The following CHODL variants were observed in gnomAD, a reference collection of about 807,000 sequenced individuals.
CHODL encodes transmembrane protein MT75.
In CHODL, 29 loss-of-function variants were observed where a neutral mutation model predicts 34.5. The ratio of observed to expected loss-of-function variants is 0.84; its 90% confidence interval spans 0.63 to 1.15. CHODL has a LOEUF of 1.15. CHODL is among the 50% of genes most tolerant of loss of function. CHODL has a pLI of 0.00. For synonymous variants in CHODL, 125 were observed against 116.1 expected, an observed-to-expected ratio of 1.08 and a Z score of -0.49; for missense variants, 332 against 332.5, an observed-to-expected ratio of 1.00 and a Z score of 0.01.
At position 18,195,898 on chromosome 21, in the gene CHODL, A is replaced by G. The variant is rs187037539; in HGVS notation, c.-44-60611A>G. Among the ~76,000 whole-genome samples the G allele has an allele frequency of 3.5e-4, 54 of 152,300 alleles. No individual in the cohort carries two copies. The East Asian group carries it at 9.8e-3, about 28-fold the overall frequency. On this transcript the variant is annotated intron_variant, in intron 2 of 6. Transcript: ENST00000400127. ...CTAATGAAAATACAGATTGTTAGTG[A>G]CTGGCATATTATCTCCCTTCCAAGT...
intron 2 of CHODL, among the ~76,000 whole-genome samples, chr21:18,081,506 C>A (rs2064940978): frequency 1.3e-5 from 2 of 151,954 alleles, no homozygotes; most frequent in Admixed American, 6.6e-5. Context: ...CATGGTAAAA[C>A]CCTGTCTCAA....
At chr21:18,166,711 A>G (rs1338009440) in intron 2 of CHODL, among the ~76,000 whole-genome samples, 1 of 152,086 alleles carries the variant, frequency 6.6e-6, no homozygotes, top group East Asian at 1.9e-4. Flanking sequence ...TCAACTTGAT[A>G]TTCTTGAAAT....
At chr21:17,961,691 CA>C (rs1270550398) in intron 1 of CHODL, among the ~76,000 whole-genome samples, 1 of 152,188 alleles carries the variant, frequency 6.6e-6, no homozygotes, top group Non-Finnish European at 1.5e-5. Context: ...AGGCTGCAAA[CA>C]AATCCTTTAA....
At chr21:18,168,978 T>G (rs1400969189) in intron 2 of CHODL, among the ~76,000 whole-genome samples, 1 of 152,156 alleles carries the variant, frequency 6.6e-6, no homozygotes, top group East Asian at 1.9e-4. Context: ...TTCTTTTACT[T>G]GTGGATATCT....
chr21:18,186,799 C>G (rs938399377), intron 2 of CHODL, among the ~76,000 whole-genome samples: 1 of 152,116 alleles, frequency 6.6e-6, no homozygotes, highest in Admixed American at 6.5e-5. Context: ...TCACCTTCTA[C>G]CTGGTGGATA....
intron 2 of CHODL, among the ~76,000 whole-genome samples, chr21:18,219,511 T>C (rs2073862361): frequency 6.6e-6 from 1 of 152,142 alleles, no homozygotes; most frequent in African/African-American, 2.4e-5. Context: ...CATACTGTTT[T>C]ATATAGTGGC....
chr21:18,129,052 T>C (rs1173316267), intron 2 of CHODL, among the ~76,000 whole-genome samples: 1 of 152,022 alleles, frequency 6.6e-6, no homozygotes, highest in Non-Finnish European at 1.5e-5. Flanking sequence ...TTGAAATATA[T>C]TTAATTTTTT....
intron 2 of CHODL, among the ~76,000 whole-genome samples, chr21:18,184,157 A>C (rs543826873): frequency 6.6e-6 from 1 of 152,334 alleles, no homozygotes; most frequent in South Asian, 2.1e-4. Context: ...AAGCATCCTA[A>C]GAAAATCAGT....
Position 18,262,771 on chromosome 21 carries a change from A to T in CHODL, c.635-20A>T. On this transcript the variant is annotated intron_variant, in intron 4 of 5. Coordinates refer to ENST00000299295, the MANE Select transcript of CHODL (RefSeq NM_024944.3). ...TCTTCCTCAACTATCTTTTCACATGAAGACTGTTTTATTTTGTAGGTATAA... is the reference window on the plus strand; with the variant it reads ...TCTTCCTCAACTATCTTTTCACATGTAGACTGTTTTATTTTGTAGGTATAA... 1 of 1,317,724 alleles carries T rather than the reference A, an allele frequency of 7.6e-7. No individual in the cohort carries two copies. Among genetic ancestry groups the T allele is most frequent in the Middle Eastern group, 1.8e-4 (1 of 5,482 alleles). 81.6% of individuals were successfully genotyped at this position (1,317,724 alleles called of 1,614,324 possible). A position where few individuals can be genotyped will look rare whatever the true frequency, so the allele number is the denominator to read the frequency against.
At chr21:18,070,768 A>T (rs1209431235) in intron 2 of CHODL, among the ~76,000 whole-genome samples, 2 of 152,050 alleles carry the variant, frequency 1.3e-5, no homozygotes, top group African/African-American at 4.8e-5. Context: ...TTCCTGGATG[A>T]CCTCAACTCC....
chr21:18,030,033 C>A (rs920727216), intron 2 of CHODL, among the ~76,000 whole-genome samples: 1 of 152,118 alleles, frequency 6.6e-6, no homozygotes, highest in Non-Finnish European at 1.5e-5. Context: ...CAGGCAGGCT[C>A]TAACATAGCC....
At chr21:18,153,501 C>A (rs906827476) in intron 2 of CHODL, among the ~76,000 whole-genome samples, 2 of 152,158 alleles carry the variant, frequency 1.3e-5, no homozygotes, top group African/African-American at 4.8e-5. Context: ...CTGTCTCCCT[C>A]TCCTGCTGTA....
intron 1 of CHODL, among the ~76,000 whole-genome samples, chr21:17,993,469 A>G (rs1228532506): frequency 1.3e-5 from 2 of 152,078 alleles, no homozygotes; most frequent in African/African-American, 4.8e-5. Flanking sequence ...GACATGTAAT[A>G]TTTGTTTTCT....
chr21:18,241,760 T>G (rs755243370), upstream of CHODL, among the ~76,000 whole-genome samples: 1 of 152,234 alleles, frequency 6.6e-6, no homozygotes, highest in Non-Finnish European at 1.5e-5. Flanking sequence ...GATTCCATAG[T>G]ATACCCTTAA....
chr21:18,148,223 T>G (rs572688298), intron 2 of CHODL, among the ~76,000 whole-genome samples: 9 of 152,190 alleles, frequency 5.9e-5, no homozygotes, highest in Admixed American at 1.3e-4. Context: ...GAATGAATAT[T>G]TTTTATTTTT....
At chr21:18,153,601 C>T (rs12626907) in intron 2 of CHODL, among the ~76,000 whole-genome samples, 14,840 of 151,844 alleles carry the variant, frequency 0.098, 929 homozygotes, top group East Asian at 0.24. Flanking sequence ...ATAATAATTT[C>T]TCTATTTTAA....
intron 2 of CHODL, among the ~76,000 whole-genome samples, chr21:18,185,479 A>T (rs1313666825): frequency 6.6e-6 from 1 of 152,156 alleles, no homozygotes; most frequent in Non-Finnish European, 1.5e-5. Context: ...TGCTGCAATA[A>T]ACATACGGGT....
chr21:18,120,674 C>G, intron 2 of CHODL, among the ~76,000 whole-genome samples: 1 of 152,192 alleles, frequency 6.6e-6, no homozygotes, highest in East Asian at 1.9e-4. Context: ...TACATATACA[C>G]ATATTTAAAT....
chr21:18,140,796 T>C (rs1161943087), intron 2 of CHODL, among the ~76,000 whole-genome samples: 1 of 152,122 alleles, frequency 6.6e-6, no homozygotes, highest in Non-Finnish European at 1.5e-5. Context: ...TATAATTACT[T>C]TTAGAGCTCT....
Sources: allele counts gnomAD v4.1 joint callset (sites outside exome capture counted in the v4.1 genomes callset), GRCh38; gene constraint gnomAD v4.1.1; transcripts MANE v1.5; gene names NCBI Gene and HGNC (gene_info 2026-07-23, HGNC 2026-07-21).